The following FSCN2 variants were observed in gnomAD, a reference collection of about 807,000 sequenced individuals.
The protein encoded by FSCN2 is fascin actin-bundling protein 2, retinal.
Under a neutral mutation model 37.8 loss-of-function variants are expected in FSCN2, and 46 were observed. The ratio of observed to expected loss-of-function variants is 1.22; its 90% CI spans 0.96 to 1.56. The LOEUF (loss-of-function observed/expected upper bound fraction) is 1.56. FSCN2 is among the 40% of genes most tolerant of loss of function. The probability of loss-of-function intolerance (pLI) is 0.00; values close to 1 mark genes in which losing one functional copy is unlikely to be tolerated. For missense variants in FSCN2, 844 were observed against 730.4 expected (o/e 1.16, Z -1.79); for synonymous variants, 351 against 309.4 (o/e 1.13, Z -1.41).
At chr17:81,516,070 C>T in the FSCN2 span, among the ~76,000 whole-genome samples, 2 of 152,270 alleles carry the variant, frequency 1.3e-5, no homozygotes, top group Non-Finnish European at 2.9e-5. Flanking sequence ...GCCTGAACTC[C>T]TGACCTTAAG....
rs1184738017 is a variant in FSCN2 at position 81,536,919 on chromosome 17, TGCA to T, written c.1321_1323del (p.Ser441del). ...GTACACGGGCAGCCACGGCAGCGTG[TGCA>T]GCGACGGCGAACGCGCCGAGGACTT... On this transcript the variant is annotated inframe_deletion, in exon 5 of 5. Transcript: ENST00000417245. 1 of 1,575,512 alleles carries T rather than the reference TGCA, an allele frequency of 6.3e-7. No homozygotes were observed. The highest frequency in any genetic ancestry group is 8.6e-7 in the Non-Finnish European group (1 of 1,165,634).
chr17:81,531,892 T>C lies in FSCN2; in HGVS notation c.826+2535T>C, dbSNP rs1344255485. 4.2e-5 allele frequency among the ~76,000 whole-genome samples: 4 copies of C among 95,802 alleles called. No homozygotes were observed. The East Asian group carries it at 1.3e-3, about 31-fold the overall frequency. The allele number at this position is 95,802 out of a possible 152,430, so 62.8% of individuals were successfully genotyped here. Reference sequence around the variant, plus strand: ...ATGATGGTGATGATGGTGATGGCGATGATGGTGATAGTGATGGTGATGATG... The same window carrying C: ...ATGATGGTGATGATGGTGATGGCGACGATGGTGATAGTGATGGTGATGATG... On this transcript the variant is annotated intron_variant, in intron 1 of 4. Coordinates refer to ENST00000417245, the MANE Select transcript of FSCN2 (RefSeq NM_012418.4).
At chr17:81,531,147 ATGATGG>A (rs1289567506) in intron 1 of FSCN2, among the ~76,000 whole-genome samples, 3 of 140,212 alleles carry the variant, frequency 2.1e-5, no homozygotes, top group East Asian at 2.1e-4. Context: ...AGCAGCGACA[ATGATGG>A]TGATGGTGAT....
chr17:81,517,634 A>G, the FSCN2 span, among the ~76,000 whole-genome samples: 5 of 151,712 alleles, frequency 3.3e-5, no homozygotes, highest in African/African-American at 1.2e-4. Context: ...GTGACCCTCC[A>G]CTGGGCCCGA....
chr17:81,521,122 C>A, the FSCN2 span, among the ~76,000 whole-genome samples: 4 of 152,050 alleles, frequency 2.6e-5, no homozygotes, highest in Non-Finnish European at 5.9e-5. Flanking sequence ...GGCTGGAGTG[C>A]AATGGTGCGA....
chr17:81,537,106 G>C lies in FSCN2; in HGVS notation c.*26G>C. On this transcript the variant is annotated 3_prime_UTR_variant, in exon 5 of 5. Transcript: ENST00000417245. ...GGCCGCGCCCAGACCAGCCTGTCGC[G>C]CATTAAAACCGTGTCTCTCCCGCAG... The C allele has an allele frequency of 1.4e-6, 2 of 1,383,664 alleles. No individual in the cohort carries two copies. The highest frequency in any genetic ancestry group is 9.3e-7 in the Non-Finnish European group (1 of 1,071,722). The allele number at this position is 1,383,664 out of a possible 1,614,324, so 85.7% of individuals were successfully genotyped here.
the FSCN2 span, among the ~76,000 whole-genome samples, chr17:81,522,130 C>T: frequency 6.6e-6 from 1 of 152,116 alleles, no homozygotes; most frequent in African/African-American, 2.4e-5. Context: ...CCTCAGTCTC[C>T]TGAGTAGCTG....
Position 81,528,712 on chromosome 17 carries a change from C to T in FSCN2, c.181C>T (p.Arg61Cys), listed in dbSNP as rs782670629. The change falls in exon 1 of 5, where the codon CGC (arginine) becomes TGC (cysteine). Residue 61 changes from arginine to cysteine, a missense_variant. Physicochemically the swap from Arg to Cys is radical, Grantham distance 180 (BLOSUM62 -3). Coordinates refer to ENST00000417245, the MANE Select transcript of FSCN2 (RefSeq NM_012418.4). ...AGGACAAGGCACGGCTGTGCTGCTCCGCAGCAGCCACCTGGGCCGCTACCT... is the reference window on the plus strand; with the variant it reads ...AGGACAAGGCACGGCTGTGCTGCTCTGCAGCAGCCACCTGGGCCGCTACCT... ...DPGQGTAVLL[R>C]SSHLGRYLSA... is the part of the protein sequence containing the mutation. 21 of 1,598,784 alleles carry T rather than the reference C, an allele frequency of 1.3e-5. No individual in the cohort carries two copies. In the Admixed American group the frequency reaches 2.1e-4, roughly 16 times the overall value.
chr17:81,536,511 C>T (rs752885316), intron 3 of FSCN2, 111 bp from the exon 4 acceptor site: 2 of 1,545,932 alleles, frequency 1.3e-6, no homozygotes, highest in East Asian at 4.8e-5. Flanking sequence ...GAGGCAATGG[C>T]AGGCCTGGGT....
the FSCN2 span, among the ~76,000 whole-genome samples, chr17:81,518,070 C>T: frequency 1.3e-5 from 2 of 152,172 alleles, no homozygotes; most frequent in African/African-American, 4.8e-5. Context: ...CCAAGGCTAC[C>T]TGCTGCCTCG....
In FSCN2 at chr17:81,531,821, GAT is replaced by G. The variant is rs2032640074; in HGVS notation, c.826+2465_826+2466del. Among the ~76,000 whole-genome samples, 13 of 144,130 alleles carry G rather than the reference GAT, an allele frequency of 9.0e-5. 1 individual carries two copies. Among genetic ancestry groups the G allele is most frequent in the African/African-American group, 3.0e-4 (11 of 36,488 alleles). 94.6% of individuals were successfully genotyped at this position (144,130 alleles called of 152,430 possible). A position where few individuals can be genotyped will look rare whatever the true frequency, so the allele number is the denominator to read the frequency against. ...TGATAATGGTGATGATGGTGGTGGT[GAT>G]GGTGGTGGTGGTGATGGTGGTGATG... On this transcript the variant is annotated intron_variant, in intron 1 of 4. Coordinates refer to ENST00000417245, the MANE Select transcript of FSCN2 (RefSeq NM_012418.4).
upstream of FSCN2, among the ~76,000 whole-genome samples, chr17:81,526,361 G>A (rs1430015492): frequency 1.3e-5 from 2 of 152,362 alleles, no homozygotes; most frequent in East Asian, 3.9e-4. Flanking sequence ...GCCGGGCGCA[G>A]TGGCCACGCC....
At chr17:81,515,327 A>G in the FSCN2 span, among the ~76,000 whole-genome samples, 1 of 152,108 alleles carries the variant, frequency 6.6e-6, no homozygotes, top group South Asian at 2.1e-4. Context: ...GGGCCTGGGG[A>G]GGGGACCGCA....
intron 1 of FSCN2, chr17:81,530,215 G>C: frequency 2.2e-5 from 6 of 272,282 alleles, no homozygotes; most frequent in South Asian, 1.8e-4. Flanking sequence ...GTGGAGCCTC[G>C]TGTCCTCAGG....
At chr17:81,521,385 A>G in the FSCN2 span, among the ~76,000 whole-genome samples, 1 of 139,944 alleles carries the variant, frequency 7.1e-6, no homozygotes, top group African/African-American at 2.8e-5. Flanking sequence ...TTTTTTTGAG[A>G]CAAGGTCTTA....
the FSCN2 span, among the ~76,000 whole-genome samples, chr17:81,521,315 GC>G: frequency 1.3e-5 from 2 of 150,940 alleles, no homozygotes; most frequent in African/African-American, 4.9e-5. Context: ...TGATCCACCC[GC>G]CTTGGCCTCC....
Sources: gnomAD v4.1 joint callset for allele counts (sites outside exome capture counted in the v4.1 genomes callset) on GRCh38, gnomAD v4.1.1 for gene constraint, MANE v1.5 for transcripts, NCBI Gene and HGNC (gene_info 2026-07-23, HGNC 2026-07-21) for gene names.